Variants in DPYS observed in about 807,000 individuals in gnomAD.
The protein encoded by DPYS is dihydropyrimidine amidohydrolase.
Under a neutral mutation model 50.3 loss-of-function variants are expected in DPYS, and 39 were observed. The observed-to-expected ratio is 0.78, with a 90% CI of 0.60 to 1.01. The LOEUF (loss-of-function observed/expected upper bound fraction) is 1.01. Ranked by LOEUF, DPYS falls within the 50% of genes least tolerant of loss-of-function variation. DPYS has a pLI of 0.00. For missense variants in DPYS, 659 were observed against 680.9 expected (o/e 0.97, Z 0.36); for synonymous variants, 245 against 250.7 (o/e 0.98, Z 0.22).
intron 7 of DPYS, among the ~76,000 whole-genome samples, chr8:104,406,545 C>G (rs1177885102): frequency 6.6e-6 from 1 of 152,160 alleles, no homozygotes; most frequent in Non-Finnish European, 1.5e-5. Flanking sequence ...ACACCACATA[C>G]CCAGGGCAAA....
At chr8:104,399,737 C>T (rs544979098) in intron 7 of DPYS, among the ~76,000 whole-genome samples, 74 of 151,462 alleles carry the variant, frequency 4.9e-4, no homozygotes, top group South Asian at 2.1e-4. Context: ...GGTGTGGTGG[C>T]GGGCACCTGT....
chr8:104,432,309 G>T (rs1812981240), intron 4 of DPYS, among the ~76,000 whole-genome samples: 1 of 152,162 alleles, frequency 6.6e-6, no homozygotes, highest in Admixed American at 6.5e-5. Context: ...TCCCAGTAAT[G>T]AAGCAGATCA....
chr8:104,380,792 C>A, intron 9 of DPYS: 1 of 176,496 alleles, frequency 5.7e-6, no homozygotes, highest in East Asian at 1.4e-4. Flanking sequence ...TTTAGAACAC[C>A]GTTGTATTTA....
At chr8:104,449,028 A>G (rs1249257654) in intron 2 of DPYS, among the ~76,000 whole-genome samples, 1 of 152,200 alleles carries the variant, frequency 6.6e-6, no homozygotes, top group Non-Finnish European at 1.5e-5. Context: ...CCCACTCAAT[A>G]ACTATTTATT....
At chr8:104,417,945 T>C (rs530669138) in intron 7 of DPYS, among the ~76,000 whole-genome samples, 62 of 152,216 alleles carry the variant, frequency 4.1e-4, no homozygotes, top group Non-Finnish European at 6.6e-4. Flanking sequence ...AAAATAAGCA[T>C]GGCTGCCCTG....
chr8:104,406,163 C>T (rs907683687), intron 7 of DPYS, among the ~76,000 whole-genome samples: 5 of 152,130 alleles, frequency 3.3e-5, no homozygotes, highest in African/African-American at 1.2e-4. Flanking sequence ...CCTTGCCTGC[C>T]CTTCTAAGAG....
At position 104,451,361 on chromosome 8, in the gene DPYS, A is replaced by T. The variant is rs1382590157; in HGVS notation, c.308T>A (p.Ile103Asn). Residue 103 changes from isoleucine to asparagine, a missense_variant, in exon 2 of 10, where the codon ATT becomes AAT. Transcript: ENST00000351513. ...GGTTMIIDFAIPQKGGSLIEA... is the reference protein window; with the variant it reads ...GGTTMIIDFANPQKGGSLIEA... ...AATGAGGGAGCCACCTTTCTGAGGAATGGCGAAATCAATAATCATGGTGGT... is the reference window on the plus strand; with the variant it reads ...AATGAGGGAGCCACCTTTCTGAGGATTGGCGAAATCAATAATCATGGTGGT... 1 of 1,614,178 alleles carries T rather than the reference A, an allele frequency of 6.2e-7. No homozygotes were observed. The highest frequency in any genetic ancestry group is 8.5e-7 in the Non-Finnish European group (1 of 1,179,998).
intron 7 of DPYS, among the ~76,000 whole-genome samples, chr8:104,394,440 A>G (rs952584748): frequency 6.6e-6 from 1 of 151,944 alleles, no homozygotes; most frequent in Non-Finnish European, 1.5e-5. Context: ...ATCACCATCT[A>G]TCTTTCCTCA....
At chr8:104,392,389 T>C (rs1280829485) in intron 8 of DPYS, among the ~76,000 whole-genome samples, 1 of 152,186 alleles carries the variant, frequency 6.6e-6, no homozygotes, top group Admixed American at 6.5e-5. Context: ...CAGACTTAAC[T>C]TGCAATCTGA....
intron 4 of DPYS, among the ~76,000 whole-genome samples, chr8:104,430,543 A>G (rs1812919295): frequency 6.6e-6 from 1 of 152,224 alleles, no homozygotes; most frequent in Non-Finnish European, 1.5e-5. Context: ...ATACCAAATT[A>G]GTTCACTCTG....
chr8:104,407,024 A>G (rs140297316), intron 7 of DPYS, among the ~76,000 whole-genome samples: 38 of 152,394 alleles, frequency 2.5e-4, no homozygotes, highest in African/African-American at 8.2e-4. Context: ...AGCCATGGCC[A>G]AGGCCATCTA....
At chr8:104,452,777 G>C (rs1476802578) in intron 1 of DPYS, among the ~76,000 whole-genome samples, 1 of 152,170 alleles carries the variant, frequency 6.6e-6, no homozygotes, top group African/African-American at 2.4e-5. Flanking sequence ...GGAGTTTGAG[G>C]CTGCAGTGAG....
Position 104,381,239 on chromosome 8 carries a change from CTTT to C in DPYS, c.1516_1518del (p.Lys506del), listed in dbSNP as rs1811022392. 6.2e-7 allele frequency: 1 copy of C among 1,614,146 alleles called. No homozygotes were observed. The highest frequency in any genetic ancestry group is 8.5e-7 in the Non-Finnish European group (1 of 1,180,022). On this transcript the variant is annotated inframe_deletion, in exon 9 of 10. Coordinates refer to ENST00000351513, the MANE Select transcript of DPYS (RefSeq NM_001385.3). ...TTCCTGGTCCCTGCTGTGGCATCTT[CTTT>C]TGTCACTCTGGATTTCAGTGTGGCG...
chr8:104,382,789 T>C (rs891836857), intron 8 of DPYS, among the ~76,000 whole-genome samples: 3 of 152,142 alleles, frequency 2.0e-5, no homozygotes, highest in African/African-American at 7.2e-5. Flanking sequence ...CTCTTGGCAT[T>C]CATACTCAGC....
At chr8:104,431,700 G>A (rs1341941188) in intron 4 of DPYS, among the ~76,000 whole-genome samples, 1 of 152,046 alleles carries the variant, frequency 6.6e-6, no homozygotes, top group Non-Finnish European at 1.5e-5. Flanking sequence ...CCATTCTATA[G>A]TTTGCAAGGC....
chr8:104,466,987 C>A lies in DPYS; in HGVS notation c.-67G>T. On this transcript the variant is annotated 5_prime_UTR_variant, in exon 1 of 10. Coordinates refer to ENST00000351513, the MANE Select transcript of DPYS (RefSeq NM_001385.3). ...CAGGGGCTGGGTTGGGCGGGCCGGG[C>A]GGGCTTGGGGTGCCCTCCTGCAAGG... 7.3e-7 allele frequency: 1 copy of A among 1,363,872 alleles called. No homozygotes were observed. Among genetic ancestry groups the A allele is most frequent in the Non-Finnish European group, 9.4e-7 (1 of 1,065,120 alleles). The allele number at this position is 1,363,872 out of a possible 1,614,324, so 84.5% of individuals were successfully genotyped here.
intron 7 of DPYS, among the ~76,000 whole-genome samples, chr8:104,398,675 C>T (rs1193707743): frequency 7.2e-5 from 11 of 152,182 alleles, no homozygotes. Context: ...ACCCAACTGC[C>T]CTCCAGGCAT....
In DPYS at chr8:104,428,066, C is replaced by T; in HGVS notation, c.1006G>A (p.Ala336Thr). The T allele has an allele frequency of 6.2e-7, 1 of 1,614,230 alleles. No homozygotes were observed. Among genetic ancestry groups the T allele is most frequent in the Non-Finnish European group, 8.5e-7 (1 of 1,180,022 alleles). The part of the protein sequence containing the change: ...DNCTFNTCQK[A>T]LGKDDFTKIP... The stretch of plus-strand genomic sequence containing the variant: ...TTGGTAAAATCATCCTTCCCAAGAG[C>T]TTTCTGGCAGGTGTTGAAAGTGCAG... Residue 336 changes from alanine to threonine, a missense_variant, in exon 6 of 10, where the codon GCT becomes ACT. Transcript: ENST00000351513.
intron 7 of DPYS, among the ~76,000 whole-genome samples, chr8:104,395,424 T>C (rs2140527279): frequency 6.6e-6 from 1 of 152,340 alleles, no homozygotes; most frequent in South Asian, 2.1e-4. Context: ...CACAGAACAG[T>C]GATACCACTA....
Sources: gnomAD v4.1 joint callset for allele counts (sites outside exome capture counted in the v4.1 genomes callset) on GRCh38, gnomAD v4.1.1 for gene constraint, MANE v1.5 for transcripts, NCBI Gene and HGNC (gene_info 2026-07-23, HGNC 2026-07-21) for gene names.